USO1: variants seen among roughly 807,000 people sequenced by gnomAD.
The protein encoded by USO1 is general vesicular transport factor p115.
Under a neutral mutation model 124.5 loss-of-function variants are expected in USO1, and 57 were observed. The ratio of observed to expected loss-of-function variants is 0.46; its 90% CI spans 0.37 to 0.57. USO1 has a LOEUF of 0.57. Among genes scored for constraint, USO1 ranks in the 20% least tolerant of loss-of-function variants. The pLI is 0.00. For synonymous variants in USO1, 369 were observed against 362.8 expected (o/e 1.02, Z -0.19); for missense variants, 900 against 1,040.6 (o/e 0.86, Z 1.86).
At chr4:75,805,684 G>A (rs1009195441) in intron 19 of USO1, among the ~76,000 whole-genome samples, 5 of 150,320 alleles carry the variant, frequency 3.3e-5, no homozygotes, top group Non-Finnish European at 7.4e-5. Context: ...CTCATTGCCT[G>A]TGCGACAGAG....
chr4:75,799,840 C>T, intron 14 of USO1, 108 bp downstream of exon 14: 1 of 1,313,340 alleles, frequency 7.6e-7, no homozygotes, highest in East Asian at 2.5e-5. Context: ...TCTCCACTAT[C>T]TTATCTGTGT....
chr4:75,808,775 G>C (rs762505732), intron 20 of USO1, among the ~76,000 whole-genome samples, 178 bp from the exon 21 acceptor site: 4 of 150,496 alleles, frequency 2.7e-5, no homozygotes, highest in Non-Finnish European at 5.9e-5. Flanking sequence ...GGAGGGAGCA[G>C]AGGTAAATGA....
chr4:75,754,547 T>C (rs1721384229), intron 3 of USO1, among the ~76,000 whole-genome samples: 1 of 152,224 alleles, frequency 6.6e-6, no homozygotes, highest in African/African-American at 2.4e-5. Flanking sequence ...AAATTCAAAA[T>C]GTTCAAAGTT....
At chr4:75,758,528 A>G (rs1260384690) in intron 4 of USO1, among the ~76,000 whole-genome samples, 1 of 152,226 alleles carries the variant, frequency 6.6e-6, no homozygotes, top group East Asian at 1.9e-4. Context: ...TATTGAGAAC[A>G]TCTGAAACTG....
rs1720331939 is a variant in USO1 at position 75,724,655 on chromosome 4, G to A, written c.-165G>A. ...CGCATCTTGGCCGCTGCTGGCGGCT[G>A]TTTCCGGGCTTAGAGGGCTGGAGTG... is the stretch of plus-strand genomic sequence containing the variant. On this transcript the variant is annotated 5_prime_UTR_variant, in exon 1 of 24. Coordinates refer to ENST00000514213, the MANE Select transcript of USO1 (RefSeq NM_003715.4). The A allele has an allele frequency of 1.2e-5, 8 of 644,874 alleles. No homozygotes were observed. The South Asian group carries it at 1.4e-4, about 11-fold the overall frequency. 39.9% of individuals were successfully genotyped at this position (644,874 alleles called of 1,614,324 possible). A position where few individuals can be genotyped will look rare whatever the true frequency, so the allele number is the denominator to read the frequency against.
At chr4:75,740,767 T>A (rs1294435772) in intron 1 of USO1, among the ~76,000 whole-genome samples, 1 of 152,246 alleles carries the variant, frequency 6.6e-6, no homozygotes, top group African/African-American at 2.4e-5. Context: ...TTTTTTCTCT[T>A]TATTTATTGA....
intron 20 of USO1, among the ~76,000 whole-genome samples, chr4:75,808,015 T>C (rs1262663605): frequency 6.6e-6 from 1 of 152,098 alleles, no homozygotes; most frequent in Non-Finnish European, 1.5e-5. Flanking sequence ...ATGTACATGA[T>C]AGAAATTTTA....
intron 3 of USO1, 148 bp from the exon 4 acceptor site, chr4:75,757,349 A>G: frequency 1.6e-6 from 1 of 606,598 alleles, no homozygotes; most frequent in Non-Finnish European, 2.4e-6. Flanking sequence ...AAATAAAACT[A>G]CACATTTTTT....
At chr4:75,770,957 T>C in intron 6 of USO1, 33 bp downstream of exon 6, 1 of 1,600,804 alleles carries the variant, frequency 6.2e-7, no homozygotes, top group South Asian at 1.1e-5. Flanking sequence ...ATTATTTTGA[T>C]TCAAGCATGA....
chr4:75,748,615 TATA>T (rs1158747954), intron 1 of USO1, among the ~76,000 whole-genome samples: 1 of 152,212 alleles, frequency 6.6e-6, no homozygotes, highest in East Asian at 1.9e-4. Flanking sequence ...CAAGTAGCTC[TATA>T]CACCAACCAA....
chr4:75,750,870 G>T (rs1358529609), intron 1 of USO1, among the ~76,000 whole-genome samples: 3 of 152,150 alleles, frequency 2.0e-5, no homozygotes, highest in African/African-American at 7.2e-5. Context: ...TCTTCTAGAA[G>T]TTTTACAGTT....
At chr4:75,764,832 T>G (rs1721719128) in intron 4 of USO1, among the ~76,000 whole-genome samples, 1 of 152,180 alleles carries the variant, frequency 6.6e-6, no homozygotes, top group East Asian at 1.9e-4. Context: ...CGTTTGTATT[T>G]TAGACTTCTT....
chr4:75,786,259 T>C (rs1036633950), intron 9 of USO1, among the ~76,000 whole-genome samples: 4 of 152,190 alleles, frequency 2.6e-5, no homozygotes, highest in African/African-American at 9.6e-5. Flanking sequence ...TGTTTTAGTT[T>C]ACTCTCTTAA....
intron 22 of USO1, among the ~76,000 whole-genome samples, chr4:75,811,690 G>T (rs1723155683): frequency 6.6e-6 from 1 of 152,144 alleles, no homozygotes; most frequent in Admixed American, 6.5e-5. Flanking sequence ...TTTTTGGATT[G>T]TGGCCAAATT....
chr4:75,741,963 A>T (rs950040378), intron 1 of USO1, among the ~76,000 whole-genome samples: 9 of 152,134 alleles, frequency 5.9e-5, no homozygotes, highest in African/African-American at 2.2e-4. Flanking sequence ...GGTCATCAAT[A>T]TCACTGTCTT....
chr4:75,764,026 C>T (rs762150379), intron 4 of USO1, among the ~76,000 whole-genome samples: 9 of 152,054 alleles, frequency 5.9e-5, no homozygotes, highest in East Asian at 3.8e-4. Flanking sequence ...AAAGAAATGG[C>T]GTATATCTCA....
chr4:75,752,945 G>C (rs1471592221), intron 3 of USO1, among the ~76,000 whole-genome samples: 13 of 152,182 alleles, frequency 8.5e-5, no homozygotes, highest in Non-Finnish European at 1.8e-4. Flanking sequence ...ATAAAAATGG[G>C]ATAAAGCAAC....
At chr4:75,773,544 TAGTTTTTGGGGAAC>T (rs987297124) in intron 7 of USO1, among the ~76,000 whole-genome samples, 61 of 152,116 alleles carry the variant, frequency 4.0e-4, no homozygotes, top group South Asian at 8.3e-4. Flanking sequence ...TTTATTTCAT[TAGTTTTTGGGGAAC>T]AGTTTTTGGG....
Position 75,806,467 on chromosome 4 carries a change from A to C in USO1, c.2290-19A>C. 1 of 1,551,644 alleles carries C rather than the reference A, an allele frequency of 6.4e-7. No individual in the cohort carries two copies. On this transcript the variant is annotated intron_variant, in intron 19 of 23. Coordinates refer to ENST00000514213, the MANE Select transcript of USO1 (RefSeq NM_003715.4). Reference sequence around the variant, plus strand: ...TTAGACTGAATATATTTTATAGTTTATTTTTGTGCTATTTGCAGAAATCTT... The same window carrying C: ...TTAGACTGAATATATTTTATAGTTTCTTTTTGTGCTATTTGCAGAAATCTT...
Sources: allele counts gnomAD v4.1 joint callset (sites outside exome capture counted in the v4.1 genomes callset), GRCh38; gene constraint gnomAD v4.1.1; transcripts MANE v1.5; gene names NCBI Gene and HGNC (gene_info 2026-07-23, HGNC 2026-07-21).